Variants in FILIP1 observed in about 807,000 individuals in gnomAD.
FILIP1 encodes filamin A interacting protein 1.
In FILIP1, 61 loss-of-function variants were observed where a neutral mutation model predicts 102.1. The ratio of observed to expected loss-of-function variants is 0.60; its 90% CI spans 0.49 to 0.74. FILIP1 has a LOEUF of 0.74. Ranked by LOEUF, FILIP1 falls within the 30% of genes least tolerant of loss-of-function variation. The pLI is 0.00. For synonymous variants in FILIP1, 491 were observed against 526.9 expected, an observed-to-expected ratio of 0.93 and a Z score of 0.93; for missense variants, 1,314 against 1,441.2, an observed-to-expected ratio of 0.91 and a Z score of 1.43.
At chr6:75,449,242 A>T (rs1180273381) in intron 1 of FILIP1, among the ~76,000 whole-genome samples, 1 of 152,152 alleles carries the variant, frequency 6.6e-6, no homozygotes, top group Non-Finnish European at 1.5e-5. Context: ...AAAACCAAAC[A>T]TCGTATGTTC....
At chr6:75,489,235 T>C (rs545551758) in intron 1 of FILIP1, among the ~76,000 whole-genome samples, 74 of 152,186 alleles carry the variant, frequency 4.9e-4, no homozygotes, top group Admixed American at 7.9e-4. Context: ...TTTTTAGTAA[T>C]GGTTCTATAA....
At chr6:75,467,383 C>A (rs1779198870) in intron 1 of FILIP1, among the ~76,000 whole-genome samples, 1 of 152,100 alleles carries the variant, frequency 6.6e-6, no homozygotes, top group African/African-American at 2.4e-5. Flanking sequence ...CACAGGACAT[C>A]CTTGTGTGAA....
intron 6 of FILIP1, among the ~76,000 whole-genome samples, chr6:75,299,966 G>C (rs1448506488): frequency 6.6e-6 from 1 of 152,084 alleles, no homozygotes; most frequent in Admixed American, 6.5e-5. Context: ...GCAGAGTGAG[G>C]CAACCTCACA....
At chr6:75,442,903 C>T (rs1215077512) in intron 1 of FILIP1, among the ~76,000 whole-genome samples, 1 of 152,168 alleles carries the variant, frequency 6.6e-6, no homozygotes, top group Non-Finnish European at 1.5e-5. Flanking sequence ...GGATGAAGGA[C>T]CAATGAGTTC....
chr6:75,372,440 A>T (rs967005270), intron 2 of FILIP1, among the ~76,000 whole-genome samples: 3 of 150,914 alleles, frequency 2.0e-5, no homozygotes, highest in Non-Finnish European at 2.9e-5. Context: ...AAAAAGAAAA[A>T]AAAATTTAAT....
intron 2 of FILIP1, among the ~76,000 whole-genome samples, chr6:75,400,003 G>T (rs1056409246): frequency 1.3e-5 from 2 of 152,172 alleles, no homozygotes; most frequent in Middle Eastern, 3.4e-3. Context: ...TTAAGATGAC[G>T]GTGTTCTCAG....
intron 1 of FILIP1, among the ~76,000 whole-genome samples, chr6:75,459,698 C>T (rs2951918): frequency 5.8e-4 from 88 of 152,044 alleles, no homozygotes; most frequent in African/African-American, 2.0e-3. Flanking sequence ...ACATAATTTT[C>T]TGTTACTTTT....
At chr6:75,460,397 T>C (rs1399471317) in intron 1 of FILIP1, among the ~76,000 whole-genome samples, 1 of 152,240 alleles carries the variant, frequency 6.6e-6, no homozygotes, top group African/African-American at 2.4e-5. Flanking sequence ...TGTCATTTTA[T>C]GCATATTAAC....
intron 1 of FILIP1, among the ~76,000 whole-genome samples, chr6:75,432,047 T>C (rs1777840395): frequency 1.3e-5 from 2 of 152,206 alleles, no homozygotes; most frequent in South Asian, 4.1e-4. Context: ...CTCCATAGAT[T>C]TCACCTAGAT....
Position 75,333,267 on chromosome 6 carries a change from T to C in FILIP1, c.630-18065A>G, listed in dbSNP as rs559366516. Among the ~76,000 whole-genome samples, 4 of 152,256 alleles carry C rather than the reference T, an allele frequency of 2.6e-5. No individual in the cohort carries two copies. In the East Asian group the frequency reaches 7.7e-4, roughly 29 times the overall value. On this transcript the variant is annotated intron_variant, in intron 4 of 5. Transcript: ENST00000237172. The stretch of plus-strand genomic sequence containing the variant: ...TTTTGCTAAATTTTTTTTGAATTAT[T>C]ATGTTAACATTTATTTAATAATTAT...
intron 1 of FILIP1, among the ~76,000 whole-genome samples, chr6:75,460,771 A>G (rs921752675): frequency 2.0e-5 from 3 of 152,188 alleles, no homozygotes; most frequent in Admixed American, 2.0e-4. Context: ...AATATGGCCA[A>G]AAGACTGTAA....
intron 1 of FILIP1, among the ~76,000 whole-genome samples, chr6:75,489,597 AT>A (rs772201359): frequency 2.6e-5 from 4 of 152,058 alleles, no homozygotes; most frequent in Non-Finnish European, 4.4e-5. Flanking sequence ...AAATAGCATT[AT>A]TACCCTCTTT....
At chr6:75,415,073 A>C in intron 1 of FILIP1, 95 bp from the exon 2 acceptor site, 1 of 1,163,720 alleles carries the variant, frequency 8.6e-7, no homozygotes, top group Non-Finnish European at 1.2e-6. Flanking sequence ...GCTTTACCAC[A>C]TCGCCAATAA....
intron 1 of FILIP1, among the ~76,000 whole-genome samples, chr6:75,435,483 G>A (rs1315751504): frequency 6.6e-6 from 1 of 152,144 alleles, no homozygotes; most frequent in Middle Eastern, 3.2e-3. Flanking sequence ...ACATTTTTAT[G>A]CCTCTGCTGT....
In FILIP1 at chr6:75,322,898, C is replaced by T. The variant is rs145912883; in HGVS notation, c.630-7696G>A. On this transcript the variant is annotated intron_variant, in intron 4 of 5. Transcript: ENST00000237172. The stretch of plus-strand genomic sequence containing the variant: ...CAGTAGAGACGGGGTTTTACCATCT[C>T]GGCCAGGCTGGTCTAAAACTCCTGA... 9.0e-3 allele frequency among the ~76,000 whole-genome samples: 1,365 copies of T among 152,154 alleles called. 11 individuals carry two copies. The highest frequency in any genetic ancestry group is 0.022 in the African/African-American group (906 of 41,502).
intron 1 of FILIP1, among the ~76,000 whole-genome samples, chr6:75,449,326 G>T (rs1191577624): frequency 6.6e-6 from 1 of 152,090 alleles, no homozygotes; most frequent in Non-Finnish European, 1.5e-5. Flanking sequence ...GGACTTGGGG[G>T]GAAAGGATGG....
chr6:75,298,498 G>T (rs1772747919), intron 6 of FILIP1, among the ~76,000 whole-genome samples: 1 of 152,164 alleles, frequency 6.6e-6, no homozygotes, highest in South Asian at 2.1e-4. Flanking sequence ...TCTATTAATT[G>T]AAACTTATTA....
At chr6:75,443,540 T>G (rs1441982749) in intron 1 of FILIP1, among the ~76,000 whole-genome samples, 1 of 152,212 alleles carries the variant, frequency 6.6e-6, no homozygotes, top group East Asian at 1.9e-4. Flanking sequence ...AATAATGGAA[T>G]TGTACCTCAT....
Position 75,314,113 on chromosome 6 carries a change from ATC to A in FILIP1, c.1717_1718del (p.Asp573Ter). 6.6e-7 allele frequency: 1 copy of A among 1,510,678 alleles called. No homozygotes were observed. The highest frequency in any genetic ancestry group is 8.8e-7 in the Non-Finnish European group (1 of 1,138,598). 93.6% of individuals were successfully genotyped at this position (1,510,678 alleles called of 1,614,324 possible). ...CACTTTTCAATTTGCCTATCAACTC[ATC>A]TCTTTCTCTTGTCAAGTTGTATACT... ...EKVYNLTRER[D>X]ELIGKLKSEE... is the part of the protein sequence containing the mutation. On this transcript the variant is annotated frameshift_variant, in exon 5 of 6. Coordinates refer to ENST00000237172, the MANE Select transcript of FILIP1 (RefSeq NM_015687.5). LOFTEE classifies it high-confidence loss of function.
Sources: gnomAD v4.1 joint callset for allele counts (sites outside exome capture counted in the v4.1 genomes callset) on GRCh38, gnomAD v4.1.1 for gene constraint, MANE v1.5 for transcripts, NCBI Gene and HGNC (gene_info 2026-07-23, HGNC 2026-07-21) for gene names.